CXADR: variants seen among roughly 807,000 people sequenced by gnomAD.
The protein encoded by CXADR is CXADR cell adhesion molecule.
In CXADR, 20 loss-of-function variants were observed where a neutral mutation model predicts 40.3. The ratio of observed to expected loss-of-function variants is 0.50; its 90% CI spans 0.35 to 0.72. The LOEUF (loss-of-function observed/expected upper bound fraction) is 0.72, where lower values mean the gene tolerates loss of function less well. CXADR is among the 30% of genes least tolerant of loss of function. The pLI is 0.01. For missense variants in CXADR, 332 were observed against 449.1 expected (o/e 0.74, Z 2.36); for synonymous variants, 150 against 161.3 (o/e 0.93, Z 0.53).
chr21:17,580,630 A>G (rs988153195), intron 7 of CXADR, among the ~76,000 whole-genome samples: 1 of 152,164 alleles, frequency 6.6e-6, no homozygotes, highest in African/African-American at 2.4e-5. Context: ...ATACATAAAT[A>G]AAGATTAAAG....
At chr21:17,514,481 C>T (rs1175866765) in intron 1 of CXADR, among the ~76,000 whole-genome samples, 1 of 151,498 alleles carries the variant, frequency 6.6e-6, no homozygotes, top group Non-Finnish European at 1.5e-5. Flanking sequence ...TTTACAGGTA[C>T]ATTCCCACCT....
chr21:17,568,489 C>T lies in CXADR; in HGVS notation c.*2797C>T. The T allele has an allele frequency of 1.0e-6, 1 of 961,024 alleles. No homozygotes were observed. Among genetic ancestry groups the T allele is most frequent in the Non-Finnish European group, 1.2e-6 (1 of 821,884 alleles). The allele number at this position is 961,024 out of a possible 1,614,324, so 59.5% of individuals were successfully genotyped here. A position where few individuals can be genotyped will look rare whatever the true frequency, so the allele number is the denominator to read the frequency against. On this transcript the variant is annotated 3_prime_UTR_variant, in exon 7 of 7. Transcript: ENST00000284878. Reference sequence around the variant, plus strand: ...ACTTTATAACTGAGAGACTTGATACCATCCATCTCTTTAGGTTACAGAGGA... The same window carrying T: ...ACTTTATAACTGAGAGACTTGATACTATCCATCTCTTTAGGTTACAGAGGA...
At chr21:17,626,863 A>T in the CXADR span, 2 of 152,150 alleles carry the variant, frequency 1.3e-5, no homozygotes, top group African/African-American at 4.8e-5. Context: ...AGAACTTACA[A>T]CCCTTTTGTT....
At chr21:17,529,162 C>G (rs1283797400) in intron 1 of CXADR, among the ~76,000 whole-genome samples, 1 of 151,112 alleles carries the variant, frequency 6.6e-6, no homozygotes. Flanking sequence ...CCTCAGCCTC[C>G]TGAGTAGCTG....
intron 3 of CXADR, among the ~76,000 whole-genome samples, chr21:17,555,788 G>A (rs1469320264): frequency 6.6e-6 from 1 of 152,106 alleles, no homozygotes; most frequent in African/African-American, 2.4e-5. Flanking sequence ...TCGAGACTAT[G>A]CAGATATGTT....
downstream of CXADR, among the ~76,000 whole-genome samples, chr21:17,595,619 T>C (rs2061494459): frequency 2.6e-5 from 4 of 151,988 alleles, no homozygotes; most frequent in African/African-American, 4.8e-5. Flanking sequence ...CTAGATAGTA[T>C]AGCAATGACT....
intron 1 of CXADR, among the ~76,000 whole-genome samples, chr21:17,532,890 T>C (rs915542265): frequency 6.6e-6 from 1 of 152,222 alleles, no homozygotes; most frequent in African/African-American, 2.4e-5. Flanking sequence ...GGCTAGAAAT[T>C]GCCTGTGGCC....
chr21:17,597,260 A>T (rs979977046), downstream of CXADR, among the ~76,000 whole-genome samples: 51 of 152,244 alleles, frequency 3.3e-4, no homozygotes, highest in Non-Finnish European at 1.8e-4. Context: ...AGCAGCAATC[A>T]ATTTAATTTG....
the CXADR span, among the ~76,000 whole-genome samples, chr21:17,631,440 C>T: frequency 6.6e-6 from 1 of 152,220 alleles, no homozygotes; most frequent in Non-Finnish European, 1.5e-5. Flanking sequence ...AAAAGTACTG[C>T]TGCAGCCAGG....
chr21:17,556,186 T>TAAA (rs1317747399), intron 3 of CXADR, among the ~76,000 whole-genome samples: 5 of 152,222 alleles, frequency 3.3e-5, no homozygotes, highest in Non-Finnish European at 7.3e-5. Flanking sequence ...GACAAGACTT[T>TAAA]ATTCGTGCTC....
chr21:17,534,014 A>ACACATATATATAGC (rs2060712161), intron 1 of CXADR, among the ~76,000 whole-genome samples: 1 of 129,260 alleles, frequency 7.7e-6, no homozygotes, highest in Non-Finnish European at 1.6e-5. Context: ...AGCAATATAT[A>ACACATATATATAGC]TATATATATA....
chr21:17,540,086 G>C (rs901566696), intron 1 of CXADR, among the ~76,000 whole-genome samples: 1 of 152,162 alleles, frequency 6.6e-6, no homozygotes, highest in Admixed American at 6.5e-5. Flanking sequence ...CCCTCTTCCT[G>C]GCTGGTAGAC....
At chr21:17,517,096 T>C (rs924800389) in intron 1 of CXADR, among the ~76,000 whole-genome samples, 1 of 152,190 alleles carries the variant, frequency 6.6e-6, no homozygotes, top group African/African-American at 2.4e-5. Flanking sequence ...GGTACCTAGC[T>C]TGACACAAAA....
At chr21:17,559,675 T>G (rs866733980) in intron 4 of CXADR, among the ~76,000 whole-genome samples, 19,332 of 142,436 alleles carry the variant, frequency 0.14, 2,775 homozygotes, top group African/African-American at 0.35. Flanking sequence ...TTGGGTTTTT[T>G]TTTTTTTTTT....
rs1375023095 is a variant in CXADR, at chr21:17,559,132, G to C, written c.571+1G>C. ...AAAATGCCCACTTCATGGTTAGCAG[G>C]TACTGCTGATAATAGTATTTGTACC... On this transcript the variant is annotated splice_donor_variant, in intron 4 of 6. Coordinates refer to ENST00000284878, the MANE Select transcript of CXADR (RefSeq NM_001338.5). LOFTEE classifies it high-confidence loss of function. 1.9e-6 allele frequency: 3 copies of C among 1,613,528 alleles called. No homozygotes were observed. Among genetic ancestry groups the C allele is most frequent in the African/African-American group, 1.3e-5 (1 of 74,860 alleles).
chr21:17,532,795 A>G (rs2060694646), intron 1 of CXADR, among the ~76,000 whole-genome samples: 1 of 152,202 alleles, frequency 6.6e-6, no homozygotes, highest in Non-Finnish European at 1.5e-5. Context: ...TAAGAGGTTT[A>G]CATGTGTTAT....
At chr21:17,560,166 T>C (rs1697909851) in intron 4 of CXADR, among the ~76,000 whole-genome samples, 1 of 152,096 alleles carries the variant, frequency 6.6e-6, no homozygotes, top group South Asian at 2.1e-4. Flanking sequence ...TGCTCACCTA[T>C]TTGTTATAAT....
intron 1 of CXADR, among the ~76,000 whole-genome samples, chr21:17,545,459 C>A (rs2060884227): frequency 6.6e-6 from 1 of 152,046 alleles, no homozygotes; most frequent in African/African-American, 2.4e-5. Flanking sequence ...CAGAGTCTTG[C>A]TTTGTCACCC....
At chr21:17,622,871 A>T in the CXADR span, among the ~76,000 whole-genome samples, 1 of 152,246 alleles carries the variant, frequency 6.6e-6, no homozygotes, top group Admixed American at 6.5e-5. Context: ...AATGTTTCAG[A>T]GCAACAACTA....
Sources: gnomAD v4.1 joint callset for allele counts (sites outside exome capture counted in the v4.1 genomes callset) on GRCh38, gnomAD v4.1.1 for gene constraint, MANE v1.5 for transcripts, NCBI Gene and HGNC (gene_info 2026-07-23, HGNC 2026-07-21) for gene names.